Variants in DISP2 observed in about 807,000 individuals in gnomAD.
The protein encoded by DISP2 is dispatched RND transporter family member 2, also known as protein dispatched homolog 2.
Under a neutral mutation model 95.5 loss-of-function variants are expected in DISP2, and 59 were observed. The observed-to-expected ratio is 0.62, with a 90% confidence interval of 0.50 to 0.77. DISP2 has a LOEUF of 0.77. DISP2 is among the 30% of genes least tolerant of loss of function. The pLI is 0.00. For missense variants in DISP2, 1,752 were observed against 1,854.6 expected (o/e 0.94, Z 1.02); for synonymous variants, 827 against 815.0 (o/e 1.01, Z -0.25).
intron 6 of DISP2, 86 bp from the exon 7 acceptor site, chr15:40,365,542 G>A: frequency 1.4e-6 from 2 of 1,477,444 alleles, no homozygotes; most frequent in South Asian, 1.1e-5. Context: ...TGAACCTCAT[G>A]TGGCCCTGGG....
At position 40,367,243 on chromosome 15, in the gene DISP2, T is replaced by C. The variant is rs758830641; in HGVS notation, c.1131T>C (p.Ser377=). 6.2e-7 allele frequency: 1 copy of C among 1,613,954 alleles called. No homozygotes were observed. The highest frequency in any genetic ancestry group is 1.1e-5 in the South Asian group (1 of 91,084). ...GGACCTGTGCCCTCTACTACCACAG[T>C]GGCGCCTTGGTGCCCTCTTGTCTGG... is the stretch of plus-strand genomic sequence containing the variant. ...LLRTCALYYH[S]GALVPSCLGP... Residue 377 remains serine, a synonymous_variant, in exon 8 of 8, where the codon AGT becomes AGC. Coordinates refer to ENST00000267889, the MANE Select transcript of DISP2 (RefSeq NM_033510.3).
Position 40,361,086 on chromosome 15 carries a change from A to T in DISP2, c.120-2539A>T, listed in dbSNP as rs529526925. Among the ~76,000 whole-genome samples the T allele has an allele frequency of 4.6e-5, 7 of 152,340 alleles. No homozygotes were observed. The South Asian group carries it at 1.0e-3, about 23-fold the overall frequency. ...TTATCTGCCAGGACACTGGCTGCTT[A>T]CGTTATTAACTTTATGGAGTCATCT... On this transcript the variant is annotated intron_variant, in intron 1 of 7. Transcript: ENST00000267889.
In DISP2 at chr15:40,374,014, A is replaced by AAAAAAAAAAAAATATATATAT; in HGVS notation, c.*3697_*3698insAAAAAAAAAAATATATATATA. 1.9e-5 allele frequency: 2 copies of AAAAAAAAAAAAATATATATAT among 104,202 alleles called. No individual in the cohort carries two copies. The highest frequency in any genetic ancestry group is 8.3e-5 in the African/African-American group (2 of 23,988). 6.5% of individuals were successfully genotyped at this position (104,202 alleles called of 1,614,324 possible). A position where few individuals can be genotyped will look rare whatever the true frequency, so the allele number is the denominator to read the frequency against. On this transcript the variant is annotated 3_prime_UTR_variant, in exon 8 of 8. Transcript: ENST00000267889. The stretch of plus-strand genomic sequence containing the variant: ...GCGAGACTCCATCTTAAAAAAAAAA[A>AAAAAAAAAAAAATATATATAT]ATATATATATATATATATGTAAACT...
Position 40,358,277 on chromosome 15 carries a change from C to CGCCGCCGCT in DISP2, c.-43_-42insCGCCGCTGC. Reference sequence around the variant, plus strand: ...CCACCGCCGCCGCCGCCGCCGCCGCCGCGGCTTCAGCACCAGCGCCCGGAC... The same window carrying CGCCGCCGCT: ...CCACCGCCGCCGCCGCCGCCGCCGCCGCCGCCGCTGCGGCTTCAGCACCAGCGCCCGGAC... On this transcript the variant is annotated 5_prime_UTR_variant, in exon 1 of 8. Transcript: ENST00000267889. 8.2e-7 allele frequency: 1 copy of CGCCGCCGCT among 1,218,892 alleles called. No homozygotes were observed. Among genetic ancestry groups the CGCCGCCGCT allele is most frequent in the Non-Finnish European group, 1.0e-6 (1 of 981,992 alleles). 75.5% of individuals were successfully genotyped at this position (1,218,892 alleles called of 1,614,324 possible). A position where few individuals can be genotyped will look rare whatever the true frequency, so the allele number is the denominator to read the frequency against.
chr15:40,367,757 C>T lies in DISP2; in HGVS notation c.1645C>T (p.Leu549Phe). 6.2e-7 allele frequency: 1 copy of T among 1,611,690 alleles called. No individual in the cohort carries two copies. The highest frequency in any genetic ancestry group is 1.1e-5 in the South Asian group (1 of 91,084). Residue 549 changes from leucine to phenylalanine, a missense_variant, in exon 8 of 8, where the codon CTC becomes TTC. Around this residue, in one of 5 missense-constraint regions of DISP2, gnomAD observed 732 missense variants for 714.6 expected, o/e 1.02. Transcript: ENST00000267889. ...CCCCTTCGTCAATCTGGCAGCCCTC[C>T]TCCTGCTGAGCAGCGTCTGCGCCAA... is the stretch of plus-strand genomic sequence containing the variant. Reference protein sequence around the residue: ...YFPFVNLAALLLLSSVCANHT... With the variant: ...YFPFVNLAALFLLSSVCANHT...
rs918004154 is a variant in DISP2 at position 40,365,531 on chromosome 15, C to A, written c.848-97C>A. ...GCACAGGCTTGAGATGCCTGAGAAT[C>A]TGAACCTCATGTGGCCCTGGGTAAG... On this transcript the variant is annotated intron_variant, in intron 6 of 7. Coordinates refer to ENST00000267889, the MANE Select transcript of DISP2 (RefSeq NM_033510.3). 8 of 1,431,910 alleles carry A rather than the reference C, an allele frequency of 5.6e-6. No homozygotes were observed. The African/African-American group carries it at 9.8e-5, about 18-fold the overall frequency. 88.7% of individuals were successfully genotyped at this position (1,431,910 alleles called of 1,614,324 possible).
rs754951771 is a variant in DISP2, at chr15:40,367,576, C to T, written c.1464C>T (p.Asp488=). The T allele has an allele frequency of 3.1e-6, 5 of 1,613,856 alleles. No homozygotes were observed. The African/African-American group carries it at 5.3e-5, about 17-fold the overall frequency. ...QELLRHFLVQ[D]TVYPLLALVA... is the part of the protein sequence containing the mutation. ...TGCTGAGGCACTTCCTGGTCCAGGA[C>T]ACGGTGTACCCCTTGCTGGCTCTGG... Residue 488 remains aspartate (D), a synonymous_variant, in exon 8 of 8, where the codon GAC becomes GAT. Coordinates refer to ENST00000267889, the MANE Select transcript of DISP2 (RefSeq NM_033510.3).
rs1484261793 is a variant in DISP2, at chr15:40,365,743, G to A, written c.945+18G>A. ...AGGACCAGGTGAGCTGGTGGGGGAG[G>A]TGCCAGGGGTTTGGGGGGAACTAAG... On this transcript the variant is annotated intron_variant, in intron 7 of 7. Transcript: ENST00000267889. The A allele has an allele frequency of 6.2e-7, 1 of 1,613,130 alleles. No homozygotes were observed. Among genetic ancestry groups the A allele is most frequent in the East Asian group, 2.2e-5 (1 of 44,872 alleles).
At position 40,358,253 on chromosome 15, in the gene DISP2, C is replaced by CGCCGCT; in HGVS notation, c.-69_-68insGCCGCT. 9.0e-7 allele frequency: 1 copy of CGCCGCT among 1,115,044 alleles called. No individual in the cohort carries two copies. Among genetic ancestry groups the CGCCGCT allele is most frequent in the Non-Finnish European group, 1.1e-6 (1 of 909,188 alleles). The allele number at this position is 1,115,044 out of a possible 1,614,324, so 69.1% of individuals were successfully genotyped here. On this transcript the variant is annotated 5_prime_UTR_variant, in exon 1 of 8. Transcript: ENST00000267889. ...AGCACCCCGCCGCCGCTGCCGCCGC[C>CGCCGCT]ACCGCCGCCGCCGCCGCCGCCGCCG...
At chr15:40,359,474 G>C (rs1206193876) in intron 1 of DISP2, among the ~76,000 whole-genome samples, 5 of 152,258 alleles carry the variant, frequency 3.3e-5, no homozygotes, top group African/African-American at 1.2e-4. Context: ...AAGAAGGTGA[G>C]ACACAGGATG....
Position 40,363,937 on chromosome 15 carries a change from C to T in DISP2, c.432C>T (p.His144=). ...DGTWKPPAVQ[H]HVVSVRQERA... is the part of the protein sequence containing the mutation. ...CCTGGAAGCCACCCGCTGTGCAGCA[C>T]CATGTGGTCAGCGTCAGGTAAGGAG... is the stretch of plus-strand genomic sequence containing the variant. The change falls in exon 2 of 8, where the codon CAC becomes CAT. Residue 144 remains histidine (H), a synonymous_variant. Coordinates refer to ENST00000267889, the MANE Select transcript of DISP2 (RefSeq NM_033510.3). 6.5e-7 allele frequency: 1 copy of T among 1,535,042 alleles called. No individual in the cohort carries two copies. The highest frequency in any genetic ancestry group is 1.3e-5 in the South Asian group (1 of 79,258).
rs1023632770 is a variant in DISP2, at chr15:40,358,294, C to A, written c.-28C>A. ...GCCGCCGCCGCGGCTTCAGCACCAG[C>A]GCCCGGACAGCGGTGCCGCCCACGG... On this transcript the variant is annotated 5_prime_UTR_variant, in exon 1 of 8. Coordinates refer to ENST00000267889, the MANE Select transcript of DISP2 (RefSeq NM_033510.3). 4 of 1,265,942 alleles carry A rather than the reference C, an allele frequency of 3.2e-6. No individual in the cohort carries two copies. The highest frequency in any genetic ancestry group is 3.2e-5 in the South Asian group (1 of 31,480). 78.4% of individuals were successfully genotyped at this position (1,265,942 alleles called of 1,614,324 possible).
chr15:40,374,014 A>AAAAAAAAAAAAAAATATAT lies in DISP2; in HGVS notation c.*3697_*3698insAAAAAAAAAAAAATATATA. ...GCGAGACTCCATCTTAAAAAAAAAA[A>AAAAAAAAAAAAAAATATAT]ATATATATATATATATATGTAAACT... is the stretch of plus-strand genomic sequence containing the variant. On this transcript the variant is annotated 3_prime_UTR_variant, in exon 8 of 8. Transcript: ENST00000267889. 9.6e-6 allele frequency: 1 copy of AAAAAAAAAAAAAAATATAT among 104,194 alleles called. No homozygotes were observed. The highest frequency in any genetic ancestry group is 4.2e-5 in the African/African-American group (1 of 23,940). The allele number at this position is 104,194 out of a possible 1,614,324, so 6.5% of individuals were successfully genotyped here.
In DISP2 at chr15:40,365,242, G is replaced by C; in HGVS notation, c.815G>C (p.Arg272Thr). Residue 272 changes from arginine (R) to threonine (T), a missense_variant, in exon 6 of 8, where the codon AGA becomes ACA. By Grantham distance (71) the Arg-to-Thr change is moderately conservative (BLOSUM62 -1). Transcript: ENST00000267889. ...AGAATGGTGGAGCCCCTGGAGGACA[G>C]AAGGCAAGAGAACTTCTTCTGTGGC... ...PRRMVEPLEDRRQENFFCGPP... is the reference protein window; with the variant it reads ...PRRMVEPLEDTRQENFFCGPP... 6.2e-7 allele frequency: 1 copy of C among 1,614,032 alleles called. No individual in the cohort carries two copies. The highest frequency in any genetic ancestry group is 8.5e-7 in the Non-Finnish European group (1 of 1,180,030).
In DISP2 at chr15:40,363,792, C is replaced by CCCGG; in HGVS notation, c.288_291dup (p.Ala98ProfsTer71). On this transcript the variant is annotated frameshift_variant, in exon 2 of 8. Coordinates refer to ENST00000267889, the MANE Select transcript of DISP2 (RefSeq NM_033510.3). LOFTEE classifies it high-confidence loss of function. ...TTGGCCCCTGCCCACTTCACCTATC[C>CCCGG]CCGGGCACTGCAGGAATACCAGGGG... 6.2e-7 allele frequency: 1 copy of CCCGG among 1,613,266 alleles called. No individual in the cohort carries two copies. Among genetic ancestry groups the CCCGG allele is most frequent in the Non-Finnish European group, 8.5e-7 (1 of 1,179,454 alleles).
Position 40,374,555 on chromosome 15 carries a change from T to A in DISP2, c.*4237T>A, listed in dbSNP as rs1263618972. The stretch of plus-strand genomic sequence containing the variant: ...AGGGAAGAAGGCTTTAAATCAGATT[T>A]TAAGAAAGAGGATACATTGGTTTAC... On this transcript the variant is annotated 3_prime_UTR_variant, in exon 8 of 8. Transcript: ENST00000267889. The A allele has an allele frequency of 8.3e-6, 1 of 120,432 alleles. No individual in the cohort carries two copies. The highest frequency in any genetic ancestry group is 1.7e-5 in the Non-Finnish European group (1 of 58,248). The allele number at this position is 120,432 out of a possible 1,614,324, so 7.5% of individuals were successfully genotyped here.
At position 40,369,752 on chromosome 15, in the gene DISP2, C is replaced by G; in HGVS notation, c.3640C>G (p.Pro1214Ala). The change falls in exon 8 of 8, where the codon CCA (proline) becomes GCA (alanine). Residue 1214 changes from proline (P) to alanine (A), a missense_variant. Physicochemically the swap from Pro to Ala is conservative, Grantham distance 27. Coordinates refer to ENST00000267889, the MANE Select transcript of DISP2 (RefSeq NM_033510.3). ...CSRPPPAPAS[P>A]RELLLDHQAV... is the part of the protein sequence containing the mutation. Reference sequence around the variant, plus strand: ...CCGGCCCCCACCAGCCCCTGCCTCCCCAAGGGAGCTGCTGCTGGACCACCA... The same window carrying G: ...CCGGCCCCCACCAGCCCCTGCCTCCGCAAGGGAGCTGCTGCTGGACCACCA... 5 of 1,607,654 alleles carry G rather than the reference C, an allele frequency of 3.1e-6. No homozygotes were observed. The highest frequency in any genetic ancestry group is 3.4e-6 in the Non-Finnish European group (4 of 1,177,854).
At position 40,367,267 on chromosome 15, in the gene DISP2, G is replaced by C. The variant is rs965631057; in HGVS notation, c.1155G>C (p.Leu385=). 6.2e-7 allele frequency: 1 copy of C among 1,613,698 alleles called. No individual in the cohort carries two copies. The highest frequency in any genetic ancestry group is 1.3e-5 in the African/African-American group (1 of 74,794). ...YHSGALVPSC[L]GPGQNKSPRC... ...GTGGCGCCTTGGTGCCCTCTTGTCT[G>C]GGACCTGGGCAGAACAAGTCCCCAC... Residue 385 remains leucine (L), a synonymous_variant, in exon 8 of 8, where the codon CTG becomes CTC. Transcript: ENST00000267889.
chr15:40,369,363 T>TCGCCCAGATGC lies in DISP2; in HGVS notation c.3252_3253insGCCCAGATGCC (p.Tyr1085AlafsTer13), dbSNP rs1889588634. ...CTCATGCTGCCTGCCACAGTGCTGC[T>TCGCCCAGATGC]CTATCGCAAGCTGGGCATCATCCTC... On this transcript the variant is annotated frameshift_variant, in exon 8 of 8. Transcript: ENST00000267889. LOFTEE classifies it high-confidence loss of function. The TCGCCCAGATGC allele has an allele frequency of 6.2e-7, 1 of 1,613,452 alleles. No individual in the cohort carries two copies. Among genetic ancestry groups the TCGCCCAGATGC allele is most frequent in the African/African-American group, 1.3e-5 (1 of 74,944 alleles).
Sources: gnomAD v4.1 joint callset for allele counts (sites outside exome capture counted in the v4.1 genomes callset) on GRCh38, gnomAD v4.1.1 for gene constraint, gnomAD v4.1.1 regional missense constraint, MANE v1.5 for transcripts, NCBI Gene and HGNC (gene_info 2026-07-23, HGNC 2026-07-21) for gene names.